Variants in WWOX observed in about 807,000 individuals in gnomAD.
The protein encoded by WWOX is WW domain containing oxidoreductase.
Under a neutral mutation model 46.2 loss-of-function variants are expected in WWOX, and 69 were observed. The observed-to-expected ratio is 1.49, with a 90% CI of 1.23 to 1.82. The LOEUF is 1.82. Ranked by LOEUF, WWOX falls within the 40% of genes most tolerant of loss-of-function variation. The probability of loss-of-function intolerance (pLI) is 0.00; values close to 1 mark genes in which losing one functional copy is unlikely to be tolerated. For missense variants in WWOX, 919 were observed against 542.6 expected, an observed-to-expected ratio of 1.69 and a Z score of -6.89; for synonymous variants, 359 against 202.6, an observed-to-expected ratio of 1.77 and a Z score of -6.56.
At chr16:78,884,651 C>G (rs554350444) in intron 8 of WWOX, among the ~76,000 whole-genome samples, 2 of 152,262 alleles carry the variant, frequency 1.3e-5, no homozygotes, top group South Asian at 4.2e-4. Context: ...CAAACTATTC[C>G]TATTAGAAGT....
chr16:78,920,490 G>T (rs892998393), intron 8 of WWOX, among the ~76,000 whole-genome samples: 6 of 152,178 alleles, frequency 3.9e-5, no homozygotes, highest in Non-Finnish European at 7.3e-5. Flanking sequence ...TGGAGGAACT[G>T]CTGCCTGCAT....
chr16:78,727,858 G>GT (rs2048872782), intron 8 of WWOX, among the ~76,000 whole-genome samples: 1 of 151,786 alleles, frequency 6.6e-6, no homozygotes, highest in Non-Finnish European at 1.5e-5. Flanking sequence ...GGATATTTTG[G>GT]TATCAGGACT....
chr16:78,465,917 A>G (rs1387730578), intron 8 of WWOX, among the ~76,000 whole-genome samples: 2 of 152,256 alleles, frequency 1.3e-5, no homozygotes, highest in Admixed American at 6.5e-5. Context: ...TTCCATTTAT[A>G]TAAAATATGC....
intron 8 of WWOX, among the ~76,000 whole-genome samples, chr16:78,547,147 A>C (rs529682916): frequency 1.5e-3 from 214 of 139,360 alleles, no homozygotes; most frequent in Non-Finnish European, 2.1e-3. Flanking sequence ...AAAAAAAAAA[A>C]AAAAAAAAAA....
intron 8 of WWOX, among the ~76,000 whole-genome samples, chr16:79,139,992 G>A (rs1166608300): frequency 3.3e-5 from 5 of 152,172 alleles, no homozygotes; most frequent in Admixed American, 2.0e-4. Context: ...TCTGGCAGCC[G>A]ACCACAGTTC....
chr16:78,282,743 T>G (rs1228694026), intron 5 of WWOX, among the ~76,000 whole-genome samples: 2 of 151,778 alleles, frequency 1.3e-5, no homozygotes, highest in Non-Finnish European at 2.9e-5. Context: ...CCGGGAGTGG[T>G]GGTGTTCGCC....
chr16:78,813,153 A>T (rs1298474667), intron 8 of WWOX, among the ~76,000 whole-genome samples: 2 of 152,064 alleles, frequency 1.3e-5, no homozygotes, highest in East Asian at 3.8e-4. Context: ...AGGAAAAAAA[A>T]ATTCAGCATC....
chr16:78,184,548 C>T (rs900109474), intron 5 of WWOX, among the ~76,000 whole-genome samples: 2 of 150,838 alleles, frequency 1.3e-5, no homozygotes, highest in Admixed American at 6.6e-5. Context: ...GATGAATCAC[C>T]GAGATCTATT....
chr16:78,916,271 G>T (rs932035181), intron 8 of WWOX, among the ~76,000 whole-genome samples: 1 of 152,206 alleles, frequency 6.6e-6, no homozygotes, highest in Non-Finnish European at 1.5e-5. Flanking sequence ...GCTTTCTACT[G>T]CAGGGGGTAT....
chr16:78,934,905 G>C (rs946073891), intron 8 of WWOX, among the ~76,000 whole-genome samples: 1 of 152,130 alleles, frequency 6.6e-6, no homozygotes, highest in Non-Finnish European at 1.5e-5. Flanking sequence ...TTTGAGACCA[G>C]CCTGAGCAAC....
At chr16:78,120,277 T>G (rs542214365) in intron 4 of WWOX, among the ~76,000 whole-genome samples, 77 of 152,270 alleles carry the variant, frequency 5.1e-4, no homozygotes, top group Non-Finnish European at 9.0e-4. Flanking sequence ...AAAATGAAGG[T>G]ATAAATATTT....
intron 8 of WWOX, among the ~76,000 whole-genome samples, chr16:78,625,514 A>T (rs897603710): frequency 2.6e-5 from 4 of 152,128 alleles, no homozygotes; most frequent in Non-Finnish European, 4.4e-5. Flanking sequence ...AAAAATCAAG[A>T]CTGTAGTACC....
chr16:78,726,071 TTCCCTCCCTCCCTCTTCC>T (rs2048824976), intron 8 of WWOX, among the ~76,000 whole-genome samples: 2 of 96,654 alleles, frequency 2.1e-5, no homozygotes, highest in South Asian at 4.9e-4. Flanking sequence ...CCTGCTTCCC[TTCCCTCCCTCCCTCTTCC>T]TCCCTCCCTC....
intron 5 of WWOX, among the ~76,000 whole-genome samples, chr16:78,259,054 C>T (rs2038209180): frequency 6.6e-6 from 1 of 152,086 alleles, no homozygotes. Context: ...TTTAGCACCA[C>T]GTTAATAAAA....
At chr16:78,538,415 A>C (rs1369527530) in intron 8 of WWOX, among the ~76,000 whole-genome samples, 2 of 152,076 alleles carry the variant, frequency 1.3e-5, no homozygotes, top group African/African-American at 4.8e-5. Context: ...GTGGTGTGCA[A>C]GTTGAGGCCT....
chr16:78,100,185 G>GT (rs2031668864), intron 1 of WWOX: 4 of 1,235,606 alleles, frequency 3.2e-6, no homozygotes, highest in Non-Finnish European at 3.1e-6. Context: ...AAATAAAGAT[G>GT]TTTTAAAAAG....
chr16:78,893,951 TTG>T (rs2044645352), intron 8 of WWOX, among the ~76,000 whole-genome samples: 1 of 151,976 alleles, frequency 6.6e-6, no homozygotes, highest in Non-Finnish European at 1.5e-5. Flanking sequence ...TGAGCAGATA[TTG>T]TGTCTGTGAT....
At chr16:78,498,920 G>A (rs2084985183) in intron 8 of WWOX, among the ~76,000 whole-genome samples, 1 of 151,992 alleles carries the variant, frequency 6.6e-6, no homozygotes, top group Admixed American at 6.6e-5. Context: ...TCCTTTATTG[G>A]CATTGAGAGA....
Position 78,116,536 on chromosome 16 carries a change from T to C in WWOX, c.409+1382T>C, listed in dbSNP as rs1176473989. Among the ~76,000 whole-genome samples, 5 of 152,342 alleles carry C rather than the reference T, an allele frequency of 3.3e-5. No individual in the cohort carries two copies. In the South Asian group the frequency reaches 1.0e-3, roughly 32 times the overall value. ...TCAAATCAACTCTCATACCTCATCC[T>C]GGGCTCCAAATATGTTCAATCCACT... On this transcript the variant is annotated intron_variant, in intron 4 of 8. Transcript: ENST00000566780.
Sources: allele counts gnomAD v4.1 joint callset (sites outside exome capture counted in the v4.1 genomes callset), GRCh38; gene constraint gnomAD v4.1.1; transcripts MANE v1.5; gene names NCBI Gene and HGNC (gene_info 2026-07-23, HGNC 2026-07-21).